Variants in BTBD10 observed in about 807,000 individuals in gnomAD.
BTBD10 encodes BTB domain containing 10.
A neutral mutation model predicts 53.2 loss-of-function variants in BTBD10; 21 were observed. The ratio of observed to expected loss-of-function variants is 0.39; its 90% CI spans 0.28 to 0.57. The LOEUF (loss-of-function observed/expected upper bound fraction) is 0.57, where lower values mean the gene tolerates loss of function less well. Among genes scored for constraint, BTBD10 ranks in the 20% least tolerant of loss-of-function variants. The pLI, the probability that BTBD10 is intolerant of heterozygous loss-of-function variation, is 0.53. For missense variants in BTBD10, 360 were observed against 594.7 expected (o/e 0.61, Z 4.10); for synonymous variants, 149 against 192.7 (o/e 0.77, Z 1.88).
chr11:13,426,094 A>G (rs376621875), intron 2 of BTBD10, among the ~76,000 whole-genome samples: 1 of 152,188 alleles, frequency 6.6e-6, no homozygotes, highest in Non-Finnish European at 1.5e-5. Flanking sequence ...GGGAAGGAAA[A>G]AAGGGAAGTA....
At position 13,433,654 on chromosome 11, in the gene BTBD10, A is replaced by G. The variant is rs139720855; in HGVS notation, c.101+11370T>C. Among the ~76,000 whole-genome samples, 588 of 152,324 alleles carry G rather than the reference A, an allele frequency of 3.9e-3. 15 individuals carry two copies. Among genetic ancestry groups the G allele is most frequent in the East Asian group, 0.026 (134 of 5,186 alleles). ...CTACCCATTGCCTGATTTTGTAAAT[A>G]AAGTATTATTGGAACACAGCCATGT... On this transcript the variant is annotated intron_variant, in intron 2 of 8. Transcript: ENST00000278174.
At chr11:13,401,331 A>G (rs1013136953) in intron 8 of BTBD10, among the ~76,000 whole-genome samples, 1 of 152,106 alleles carries the variant, frequency 6.6e-6, no homozygotes, top group Non-Finnish European at 1.5e-5. Flanking sequence ...TTCAGTAACT[A>G]ATTTACATAT....
chr11:13,398,312 C>T (rs940275736), intron 8 of BTBD10, among the ~76,000 whole-genome samples: 1 of 151,894 alleles, frequency 6.6e-6, no homozygotes, highest in Non-Finnish European at 1.5e-5. Context: ...TTCTTTGTCT[C>T]TTTTGATCTT....
intron 2 of BTBD10, among the ~76,000 whole-genome samples, chr11:13,442,533 G>T (rs554608293): frequency 6.6e-6 from 1 of 151,928 alleles, no homozygotes; most frequent in African/African-American, 2.4e-5. Context: ...ATCCAGTCAA[G>T]GTAATCTGAA....
Position 13,445,029 on chromosome 11 carries a change from AT to A in BTBD10, c.95del (p.His32LeufsTer18). 3.7e-6 allele frequency: 6 copies of A among 1,604,910 alleles called. No homozygotes were observed. The highest frequency in any genetic ancestry group is 5.1e-6 in the Non-Finnish European group (6 of 1,172,070). ...AATACATATTTTCTACCTACCTTGA[AT>A]GTTTATAAAGTTTACGAGGTCTACT... ...LHSRPRKLYK[H>X]SSTSSRIAKG... On this transcript the variant is annotated frameshift_variant, in exon 2 of 9. Transcript: ENST00000278174. LOFTEE classifies it high-confidence loss of function.
intron 1 of BTBD10, among the ~76,000 whole-genome samples, chr11:13,452,384 T>C (rs1279644744): frequency 6.6e-6 from 1 of 152,200 alleles, no homozygotes; most frequent in Non-Finnish European, 1.5e-5. Flanking sequence ...GTGGTAGTGG[T>C]AAACACCTGT....
chr11:13,462,805 G>C (rs1028152473), intron 1 of BTBD10: 1 of 152,228 alleles, frequency 6.6e-6, no homozygotes, highest in East Asian at 1.9e-4. Flanking sequence ...GCCCTGGAAA[G>C]GGATGAGGGT....
chr11:13,455,183 G>A (rs1409378136), intron 1 of BTBD10, among the ~76,000 whole-genome samples: 1 of 152,226 alleles, frequency 6.6e-6, no homozygotes, highest in Non-Finnish European at 1.5e-5. Flanking sequence ...AAAGTGCTGG[G>A]ATTATAGGCA....
Position 13,413,349 on chromosome 11 carries a change from T to C in BTBD10, c.808+181A>G, listed in dbSNP as rs1950007603. Reference sequence around the variant, plus strand: ...TAAAATTGAAAAAATATTTGGAAAATTGCACAAGGAGATCATCAAGGTCTT... The same window carrying C: ...TAAAATTGAAAAAATATTTGGAAAACTGCACAAGGAGATCATCAAGGTCTT... On this transcript the variant is annotated intron_variant, in intron 6 of 8. Coordinates refer to ENST00000278174, the MANE Select transcript of BTBD10 (RefSeq NM_032320.7). Among the ~76,000 whole-genome samples the C allele has an allele frequency of 7.2e-5, 11 of 152,244 alleles. No homozygotes were observed. The South Asian group carries it at 2.3e-3, about 32-fold the overall frequency.
chr11:13,406,611 G>A lies in BTBD10; in HGVS notation c.809-755C>T, dbSNP rs568177067. ...AGAAACAGAGAGTGAGCCAGAGAGA[G>A]AGACAGTGTGTGTGTGTGTGTGTGT... On this transcript the variant is annotated intron_variant, in intron 6 of 8. Coordinates refer to ENST00000278174, the MANE Select transcript of BTBD10 (RefSeq NM_032320.7). Among the ~76,000 whole-genome samples, 8 of 94,902 alleles carry A rather than the reference G, an allele frequency of 8.4e-5. No individual in the cohort carries two copies. In the South Asian group the frequency reaches 1.7e-3, roughly 20 times the overall value. The allele number at this position is 94,902 out of a possible 152,430, so 62.3% of individuals were successfully genotyped here. A position where few individuals can be genotyped will look rare whatever the true frequency, so the allele number is the denominator to read the frequency against.
At chr11:13,446,144 G>A (rs1350380956) in intron 1 of BTBD10, among the ~76,000 whole-genome samples, 3 of 152,118 alleles carry the variant, frequency 2.0e-5, no homozygotes, top group Non-Finnish European at 1.5e-5. Flanking sequence ...GAAACCAAAT[G>A]AAGTTAAACA....
At chr11:13,442,284 G>A (rs1179159281) in intron 2 of BTBD10, among the ~76,000 whole-genome samples, 1 of 152,142 alleles carries the variant, frequency 6.6e-6, no homozygotes, top group Non-Finnish European at 1.5e-5. Context: ...CCATGAGTTG[G>A]TAACTTCAAG....
intron 1 of BTBD10, among the ~76,000 whole-genome samples, chr11:13,461,949 T>TTTA (rs1271330123): frequency 6.6e-6 from 1 of 150,912 alleles, no homozygotes. Flanking sequence ...TTTTTTTTTT[T>TTTA]ACCAGTCTTG....
intron 4 of BTBD10, 79 bp from the exon 5 acceptor site, chr11:13,417,339 A>G: frequency 9.8e-7 from 1 of 1,018,850 alleles, no homozygotes; most frequent in Non-Finnish European, 1.4e-6. Context: ...GTACAAAAGA[A>G]AAAAGGAATT....
chr11:13,441,813 C>T (rs1256907923), intron 2 of BTBD10, among the ~76,000 whole-genome samples: 2 of 151,948 alleles, frequency 1.3e-5, no homozygotes, highest in African/African-American at 4.8e-5. Flanking sequence ...GATTTAAATC[C>T]CCAACTGTTC....
intron 2 of BTBD10, among the ~76,000 whole-genome samples, chr11:13,434,046 G>T (rs1019285097): frequency 2.0e-5 from 3 of 151,902 alleles, no homozygotes; most frequent in Non-Finnish European, 4.4e-5. Context: ...GTCTGTTGTC[G>T]GATATATTTT....
Position 13,398,948 on chromosome 11 carries a change from C to T in BTBD10, c.1117+4220G>A, listed in dbSNP as rs529978037. ...GATGGGCTTCCCTTTGTGGGTTACC[C>T]GACCTTTCTCTCTGGCTGCCCTTAA... On this transcript the variant is annotated intron_variant, in intron 8 of 8. Transcript: ENST00000278174. 5.3e-5 allele frequency among the ~76,000 whole-genome samples: 8 copies of T among 152,280 alleles called. No individual in the cohort carries two copies. The East Asian group carries it at 1.4e-3, about 26-fold the overall frequency.
intron 2 of BTBD10, among the ~76,000 whole-genome samples, chr11:13,443,701 A>G (rs536035469): frequency 6.6e-6 from 1 of 152,062 alleles, no homozygotes; most frequent in South Asian, 2.1e-4. Context: ...CTCGTGCCTC[A>G]ACCTCCCAAG....
intron 1 of BTBD10, among the ~76,000 whole-genome samples, chr11:13,445,679 T>A (rs775068599): frequency 6.6e-6 from 1 of 152,198 alleles, no homozygotes; most frequent in Non-Finnish European, 1.5e-5. Flanking sequence ...AAATTTAATT[T>A]TTACTCAAAA....
Sources: allele counts gnomAD v4.1 joint callset (sites outside exome capture counted in the v4.1 genomes callset), GRCh38; gene constraint gnomAD v4.1.1; transcripts MANE v1.5; gene names NCBI Gene and HGNC (gene_info 2026-07-23, HGNC 2026-07-21).